PPP4R1: variants seen among roughly 807,000 people sequenced by gnomAD.
PPP4R1 encodes the protein serine/threonine-protein phosphatase 4 regulatory subunit 1.
Under a neutral mutation model 111.2 loss-of-function variants are expected in PPP4R1, and 42 were observed. The observed-to-expected ratio is 0.38, with a 90% CI of 0.29 to 0.49. The LOEUF (loss-of-function observed/expected upper bound fraction) is 0.49. Among genes scored for constraint, PPP4R1 ranks in the 20% least tolerant of loss-of-function variants. PPP4R1 has a pLI of 0.97. For synonymous variants in PPP4R1, 409 were observed against 405.5 expected, an observed-to-expected ratio of 1.01 and a Z score of -0.10; for missense variants, 1,012 against 1,161.6, an observed-to-expected ratio of 0.87 and a Z score of 1.87.
chr18:9,583,057 T>C, intron 9 of PPP4R1, 60 bp downstream of exon 9: 1 of 1,401,244 alleles, frequency 7.1e-7, no homozygotes, highest in South Asian at 1.6e-5. Context: ...GTCAAAATTA[T>C]GTTTGCTTTA....
intron 10 of PPP4R1, among the ~76,000 whole-genome samples, chr18:9,575,948 T>C (rs769353968): frequency 1.3e-5 from 2 of 152,070 alleles, no homozygotes; most frequent in Non-Finnish European, 2.9e-5. Context: ...AAATGAAAAA[T>C]AGATAACATT....
intron 2 of PPP4R1, among the ~76,000 whole-genome samples, chr18:9,604,386 T>TG (rs1215759202): frequency 6.6e-6 from 1 of 151,826 alleles, no homozygotes; most frequent in Admixed American, 6.6e-5. Context: ...TTCCACCCCC[T>TG]GATAAGCCTC....
intron 16 of PPP4R1, chr18:9,551,817 A>C (rs906324701): frequency 6.6e-6 from 1 of 152,206 alleles, no homozygotes; most frequent in Admixed American, 6.5e-5. Context: ...GGGTGCAGGT[A>C]CCGCTAAACG....
intron 2 of PPP4R1, among the ~76,000 whole-genome samples, chr18:9,597,765 CA>C (rs1489576294): frequency 1.3e-5 from 2 of 152,016 alleles, no homozygotes; most frequent in African/African-American, 4.8e-5. Context: ...AAATAGCTAG[CA>C]CTCAACAAGG....
In PPP4R1 at chr18:9,602,806, C is replaced by T. The variant is rs923469252; in HGVS notation, c.53-7653G>A. Among the ~76,000 whole-genome samples the T allele has an allele frequency of 1.2e-4, 14 of 113,268 alleles. 1 individual carries two copies. Among genetic ancestry groups the T allele is most frequent in the Admixed American group, 3.4e-4 (4 of 11,810 alleles). The allele number at this position is 113,268 out of a possible 152,430, so 74.3% of individuals were successfully genotyped here. A position where few individuals can be genotyped will look rare whatever the true frequency, so the allele number is the denominator to read the frequency against. ...ACTGCACTCCAACCTGGGCGACGTA[C>T]TGAGACACTGTCTCAAAAAAAAAGT... On this transcript the variant is annotated intron_variant, in intron 2 of 19. Transcript: ENST00000400556.
chr18:9,572,414 A>G (rs559121967), intron 10 of PPP4R1, among the ~76,000 whole-genome samples: 3 of 152,396 alleles, frequency 2.0e-5, no homozygotes, highest in African/African-American at 7.2e-5. Flanking sequence ...GAAATAACTG[A>G]TAAAGCAATG....
rs1733945757 is a variant in PPP4R1 at position 9,588,764 on chromosome 18, A to C, written c.385T>G (p.Ser129Ala). The C allele has an allele frequency of 6.2e-7, 1 of 1,613,908 alleles. No individual in the cohort carries two copies. The highest frequency in any genetic ancestry group is 8.5e-7 in the Non-Finnish European group (1 of 1,179,802). ...ENRPSIPYAF[S>A]KFLLPIVVRY... Reference sequence around the variant, plus strand: ...ACCACAATAGGTAGTAAGAATTTTGAAAAAGCATATGGTATTGAAGGCCGG... The same window carrying C: ...ACCACAATAGGTAGTAAGAATTTTGCAAAAGCATATGGTATTGAAGGCCGG... Residue 129 changes from serine (S) to alanine (A), a missense_variant, in exon 5 of 20, where the codon TCA becomes GCA. Transcript: ENST00000400556.
chr18:9,587,685 C>A (rs1244992438), intron 6 of PPP4R1, among the ~76,000 whole-genome samples: 1 of 151,800 alleles, frequency 6.6e-6, no homozygotes, highest in Non-Finnish European at 1.5e-5. Context: ...GGATTACAGG[C>A]ATGAGCCACT....
chr18:9,572,658 C>T (rs925578881), intron 10 of PPP4R1, among the ~76,000 whole-genome samples: 4 of 152,204 alleles, frequency 2.6e-5, no homozygotes, highest in African/African-American at 7.2e-5. Context: ...ATGTTAATGC[C>T]TATGTGAGCT....
At chr18:9,613,241 T>G (rs975116333) in intron 2 of PPP4R1, among the ~76,000 whole-genome samples, 7 of 152,264 alleles carry the variant, frequency 4.6e-5, no homozygotes, top group Admixed American at 1.3e-4. Flanking sequence ...TCTGCATTTT[T>G]AAAATGCATC....
chr18:9,601,955 AAT>A (rs2067390236), intron 2 of PPP4R1, among the ~76,000 whole-genome samples: 1 of 152,346 alleles, frequency 6.6e-6, no homozygotes, highest in Non-Finnish European at 1.5e-5. Flanking sequence ...AAAGGAATCA[AAT>A]ATGTTACAAT....
At chr18:9,594,813 T>TG (rs398120166) in intron 3 of PPP4R1, 11 of 475,854 alleles carry the variant, frequency 2.3e-5, no homozygotes, top group Non-Finnish European at 3.8e-5. Context: ...TTTTTTTTTT[T>TG]GCAAAGAAAG....
intron 12 of PPP4R1, 134 bp downstream of exon 12, chr18:9,563,244 G>A (rs2079816939): frequency 7.1e-6 from 9 of 1,260,836 alleles, no homozygotes; most frequent in African/African-American, 4.6e-5. Context: ...ATTACTTTAT[G>A]CAAAACGAAG....
chr18:9,576,820 G>C (rs551363310), intron 10 of PPP4R1, among the ~76,000 whole-genome samples: 2 of 152,172 alleles, frequency 1.3e-5, no homozygotes, highest in Admixed American at 6.5e-5. Flanking sequence ...TCCTATGTGC[G>C]AGGCATCTAG....
chr18:9,591,952 A>C (rs925175428), intron 4 of PPP4R1, among the ~76,000 whole-genome samples: 1 of 152,202 alleles, frequency 6.6e-6, no homozygotes, highest in Admixed American at 6.5e-5. Context: ...CTGTAATCCC[A>C]GTTATTCGAG....
chr18:9,585,308 G>C (rs892297821), intron 6 of PPP4R1, among the ~76,000 whole-genome samples: 2 of 152,180 alleles, frequency 1.3e-5, no homozygotes, highest in African/African-American at 2.4e-5. Context: ...AGCACCCTGT[G>C]AACTAAAGCT....
At chr18:9,607,667 T>C (rs535930583) in intron 2 of PPP4R1, among the ~76,000 whole-genome samples, 2 of 152,114 alleles carry the variant, frequency 1.3e-5, no homozygotes, top group African/African-American at 2.4e-5. Flanking sequence ...AAATTAAGAC[T>C]GCTCACACTA....
At chr18:9,549,856 G>A (rs2066460487) in intron 18 of PPP4R1, 196 bp downstream of exon 18, 1 of 730,614 alleles carries the variant, frequency 1.4e-6, no homozygotes, top group Non-Finnish European at 2.2e-6. Flanking sequence ...CCAGTGTAAG[G>A]AGGGGCTTGG....
At chr18:9,602,676 A>G (rs2067408993) in intron 2 of PPP4R1, among the ~76,000 whole-genome samples, 1 of 152,094 alleles carries the variant, frequency 6.6e-6, no homozygotes, top group Non-Finnish European at 1.5e-5. Flanking sequence ...CCTGGCCAAC[A>G]TGGTGAAATC....
Sources: gnomAD v4.1 joint callset for allele counts (sites outside exome capture counted in the v4.1 genomes callset) on GRCh38, gnomAD v4.1.1 for gene constraint, MANE v1.5 for transcripts, NCBI Gene and HGNC (gene_info 2026-07-23, HGNC 2026-07-21) for gene names.